The following GARRE1 variants were observed in gnomAD, a reference collection of about 807,000 sequenced individuals.
The protein encoded by GARRE1 is granule associated Rac and RHOG effector 1.
Under a neutral mutation model 103.2 loss-of-function variants are expected in GARRE1, and 49 were observed. The observed-to-expected ratio is 0.47, with a 90% CI of 0.38 to 0.60. GARRE1 has a LOEUF of 0.60. Ranked by LOEUF, GARRE1 falls within the 20% of genes least tolerant of loss-of-function variation. The pLI is 0.00. For missense variants in GARRE1, 1,199 were observed against 1,370.5 expected, an observed-to-expected ratio of 0.87 and a Z score of 1.98; for synonymous variants, 505 against 532.8, an observed-to-expected ratio of 0.95 and a Z score of 0.72.
intron 8 of GARRE1, 117 bp downstream of exon 8, chr19:34,333,918 C>T (rs1267804883): frequency 5.5e-6 from 4 of 732,734 alleles, no homozygotes; most frequent in Middle Eastern, 4.9e-4. Flanking sequence ...AGTCTTGCTG[C>T]ATGTGCAGGT....
chr19:34,258,207 G>C (rs1406479862), intron 1 of GARRE1, among the ~76,000 whole-genome samples: 2 of 152,064 alleles, frequency 1.3e-5, no homozygotes, highest in Non-Finnish European at 2.9e-5. Context: ...GTCATTTCCT[G>C]AAATCTGTGA....
intron 3 of GARRE1, among the ~76,000 whole-genome samples, chr19:34,327,070 G>A (rs966230922): frequency 2.6e-5 from 4 of 151,866 alleles, no homozygotes; most frequent in African/African-American, 9.7e-5. Context: ...CAGGAGAATC[G>A]CTTGAACTCG....
intron 1 of GARRE1, among the ~76,000 whole-genome samples, chr19:34,263,436 T>G (rs535939255): frequency 4.7e-4 from 71 of 152,112 alleles, no homozygotes; most frequent in African/African-American, 1.6e-3. Context: ...TACCATTTTG[T>G]ATGGTGTGAA....
chr19:34,310,439 C>T (rs1207727277), intron 2 of GARRE1, among the ~76,000 whole-genome samples: 1 of 152,220 alleles, frequency 6.6e-6, no homozygotes, highest in Non-Finnish European at 1.5e-5. Flanking sequence ...CAGAGGCCAT[C>T]CCCCTGTGAG....
chr19:34,315,386 A>G (rs1248379441), intron 2 of GARRE1, among the ~76,000 whole-genome samples: 1 of 152,304 alleles, frequency 6.6e-6, no homozygotes, highest in South Asian at 2.1e-4. Flanking sequence ...GTTGACATGT[A>G]GGTTGATCTG....
intron 10 of GARRE1, among the ~76,000 whole-genome samples, chr19:34,345,609 C>T (rs2074207367): frequency 6.6e-6 from 1 of 152,158 alleles, no homozygotes; most frequent in African/African-American, 2.4e-5. Flanking sequence ...TGCTTGAGGC[C>T]AGGAGTTCAA....
At chr19:34,269,455 C>T (rs1167553305) in intron 1 of GARRE1, among the ~76,000 whole-genome samples, 1 of 152,192 alleles carries the variant, frequency 6.6e-6, no homozygotes, top group Non-Finnish European at 1.5e-5. Flanking sequence ...TCCTATCCGC[C>T]TGAGTTTTCA....
chr19:34,258,706 T>C (rs2073691984), intron 1 of GARRE1, among the ~76,000 whole-genome samples: 2 of 151,470 alleles, frequency 1.3e-5, no homozygotes, highest in Admixed American at 6.6e-5. Context: ...AGGAGAATGG[T>C]GTGAACCTGG....
chr19:34,348,903 G>A, intron 11 of GARRE1, 113 bp from the exon 12 acceptor site: 1 of 1,218,162 alleles, frequency 8.2e-7, no homozygotes, highest in Non-Finnish European at 1.2e-6. Flanking sequence ...AGAGACAAGA[G>A]ACCACTATTT....
At chr19:34,261,629 A>G (rs1001768955) in intron 1 of GARRE1, among the ~76,000 whole-genome samples, 2 of 152,144 alleles carry the variant, frequency 1.3e-5, no homozygotes, top group African/African-American at 4.8e-5. Flanking sequence ...TGCCACAGCA[A>G]GAGGGGAGGA....
chr19:34,321,874 T>A (rs2074090600), intron 3 of GARRE1, among the ~76,000 whole-genome samples: 1 of 152,204 alleles, frequency 6.6e-6, no homozygotes, highest in Admixed American at 6.5e-5. Context: ...ACTGAGTGGT[T>A]GGCTCCCTAG....
chr19:34,327,676 A>T, intron 4 of GARRE1, 95 bp from the exon 5 acceptor site: 1 of 1,470,526 alleles, frequency 6.8e-7, no homozygotes, highest in South Asian at 1.2e-5. Flanking sequence ...TGACCTTTTA[A>T]TAGCTATAGA....
intron 2 of GARRE1, among the ~76,000 whole-genome samples, chr19:34,315,946 CTCAT>C (rs1224545248): frequency 1.3e-5 from 2 of 152,166 alleles, no homozygotes; most frequent in African/African-American, 4.8e-5. Context: ...AAAACAGGCT[CTCAT>C]TCAGTAGACC....
chr19:34,294,249 G>A (rs2073934584), intron 1 of GARRE1, among the ~76,000 whole-genome samples: 1 of 148,880 alleles, frequency 6.7e-6, no homozygotes, highest in Non-Finnish European at 1.5e-5. Flanking sequence ...GTGAGACCCT[G>A]TCTCTACAAA....
At position 34,330,361 on chromosome 19, in the gene GARRE1, G is replaced by A; in HGVS notation, c.1263+14G>A. ...CAGGCTGGACTGGTGAGTGAGCGTG[G>A]GTGGTGGATGATAGGTAGAATACCA... On this transcript the variant is annotated intron_variant, in intron 7 of 13. Coordinates refer to ENST00000299505, the MANE Select transcript of GARRE1 (RefSeq NM_014686.5). The A allele has an allele frequency of 3.7e-6, 6 of 1,613,674 alleles. No homozygotes were observed. The highest frequency in any genetic ancestry group is 1.1e-5 in the South Asian group (1 of 91,054).
In GARRE1 at chr19:34,299,980, T is replaced by A. The variant is rs2073968115; in HGVS notation, c.-494T>A. ...AATTCTGCAGAAGTTTGATCTTCCT[T>A]CTTAAGGACTTTGTGTGAAGTAATT... On this transcript the variant is annotated 5_prime_UTR_variant, in exon 2 of 14. Coordinates refer to ENST00000299505, the MANE Select transcript of GARRE1 (RefSeq NM_014686.5). 1 of 152,540 alleles carries A rather than the reference T, an allele frequency of 6.6e-6. No individual in the cohort carries two copies. The highest frequency in any genetic ancestry group is 1.5e-5 in the Non-Finnish European group (1 of 68,264). 9.4% of individuals were successfully genotyped at this position (152,540 alleles called of 1,614,324 possible). A position where few individuals can be genotyped will look rare whatever the true frequency, so the allele number is the denominator to read the frequency against.
At chr19:34,284,140 T>C (rs1291925834) in intron 1 of GARRE1, among the ~76,000 whole-genome samples, 1 of 143,668 alleles carries the variant, frequency 7.0e-6, no homozygotes, top group East Asian at 2.0e-4. Context: ...TTTTTTTTTT[T>C]TTTTTTTTTT....
rs771858660 is a variant in GARRE1, at chr19:34,352,843, T to C, written c.3101T>C (p.Val1034Ala). ...TGCAGTGCCGCTGCCTTCTCCTATG[T>C]GCAGACCCCACCCCAGCCCCCACCC... The part of the protein sequence containing the change: ...NDCSAAAFSY[V>A]QTPPQPPPPP... The change falls in exon 14 of 14, where the codon GTG becomes GCG. Residue 1034 changes from valine to alanine, a missense_variant. Transcript: ENST00000299505. 6.2e-7 allele frequency: 1 copy of C among 1,606,204 alleles called. No individual in the cohort carries two copies. Among genetic ancestry groups the C allele is most frequent in the Non-Finnish European group, 8.5e-7 (1 of 1,176,162 alleles).
intron 2 of GARRE1, among the ~76,000 whole-genome samples, chr19:34,317,516 C>T (rs1291004556): frequency 2.0e-5 from 3 of 152,184 alleles, no homozygotes; most frequent in Non-Finnish European, 4.4e-5. Context: ...GGCTCACTCC[C>T]CCTCCCTGTG....
Sources: allele counts gnomAD v4.1 joint callset (sites outside exome capture counted in the v4.1 genomes callset), GRCh38; gene constraint gnomAD v4.1.1; transcripts MANE v1.5; gene names NCBI Gene and HGNC (gene_info 2026-07-23, HGNC 2026-07-21).